The following MMP16 variants were observed in gnomAD, a reference collection of about 807,000 sequenced individuals.
MMP16 encodes matrix metalloproteinase-16.
In MMP16, 12 loss-of-function variants were observed where a neutral mutation model predicts 67.8. The ratio of observed to expected loss-of-function variants is 0.18; its 90% CI spans 0.11 to 0.29. The LOEUF (loss-of-function observed/expected upper bound fraction) is 0.29, where lower values mean the gene tolerates loss of function less well. Ranked by LOEUF, MMP16 falls within the 10% of genes least tolerant of loss-of-function variation. MMP16 has a pLI of 1.00. For missense variants in MMP16, 475 were observed against 765.7 expected (o/e 0.62, Z 4.48); for synonymous variants, 249 against 255.9 (o/e 0.97, Z 0.26).
intron 3 of MMP16, among the ~76,000 whole-genome samples, chr8:88,174,460 A>T (rs1276115216): frequency 6.6e-6 from 1 of 152,216 alleles, no homozygotes; most frequent in Non-Finnish European, 1.5e-5. Context: ...GGAATTAATG[A>T]ATTTATTCAA....
At chr8:88,212,866 G>T (rs1809533184) in intron 1 of MMP16, among the ~76,000 whole-genome samples, 1 of 152,138 alleles carries the variant, frequency 6.6e-6, no homozygotes, top group Non-Finnish European at 1.5e-5. Flanking sequence ...TGTGCAACAT[G>T]TATAGATATT....
In MMP16 at chr8:88,222,899, TGAACAGGCAACCTACA is replaced by T. The variant is rs534894960; in HGVS notation, c.133-25609_133-25594del. On this transcript the variant is annotated intron_variant, in intron 1 of 9. Transcript: ENST00000286614. ...ACAGCAAAAGAAACTACCATCAGGGTGAACAGGCAACCTACAGAATGGGAGAAAATTTTTGCAATCC... is the reference window on the plus strand; with the variant it reads ...ACAGCAAAAGAAACTACCATCAGGGTGAATGGGAGAAAATTTTTGCAATCC... 5.6e-4 allele frequency among the ~76,000 whole-genome samples: 86 copies of T among 152,270 alleles called. No individual in the cohort carries two copies. The South Asian group carries it at 0.017, about 31-fold the overall frequency.
intron 3 of MMP16, among the ~76,000 whole-genome samples, chr8:88,172,097 C>A (rs1231966307): frequency 6.6e-6 from 1 of 152,014 alleles, no homozygotes; most frequent in African/African-American, 2.4e-5. Flanking sequence ...GGATTACAGG[C>A]GTGTGCCACC....
chr8:88,105,556 G>C (rs1809223320), intron 6 of MMP16, among the ~76,000 whole-genome samples: 1 of 151,424 alleles, frequency 6.6e-6, no homozygotes, highest in African/African-American at 2.4e-5. Context: ...GAAAAATTTG[G>C]AACCAAATGT....
At chr8:88,232,959 G>C (rs965352467) in intron 1 of MMP16, among the ~76,000 whole-genome samples, 1 of 152,158 alleles carries the variant, frequency 6.6e-6, no homozygotes, top group African/African-American at 2.4e-5. Flanking sequence ...TGGATGAGAA[G>C]AGTTAGATTC....
chr8:88,054,314 C>T lies in MMP16; in HGVS notation c.1373+1814G>A, dbSNP rs926592532. 3.9e-5 allele frequency among the ~76,000 whole-genome samples: 6 copies of T among 152,070 alleles called. No individual in the cohort carries two copies. The East Asian group carries it at 9.6e-4, about 24-fold the overall frequency. ...TGAGAAAAAGAAAAAAGTGCAACTC[C>T]GTATAGTACCGAGTTCTGCATGGGT... is the stretch of plus-strand genomic sequence containing the variant. On this transcript the variant is annotated intron_variant, in intron 8 of 9. Coordinates refer to ENST00000286614, the MANE Select transcript of MMP16 (RefSeq NM_005941.5).
chr8:88,223,467 G>C (rs1809718616), intron 1 of MMP16, among the ~76,000 whole-genome samples: 1 of 152,034 alleles, frequency 6.6e-6, no homozygotes, highest in Admixed American at 6.6e-5. Context: ...TGATAGACTG[G>C]ATTAAGAAAA....
intron 1 of MMP16, among the ~76,000 whole-genome samples, chr8:88,260,657 C>A (rs1009905162): frequency 6.6e-6 from 1 of 151,840 alleles, no homozygotes; most frequent in Non-Finnish European, 1.5e-5. Context: ...GCCAACTAAC[C>A]AAAATTATTA....
intron 1 of MMP16, among the ~76,000 whole-genome samples, chr8:88,201,418 T>C (rs977480550): frequency 6.6e-6 from 1 of 152,078 alleles, no homozygotes; most frequent in Non-Finnish European, 1.5e-5. Context: ...ACCCTGTGAT[T>C]ATATGATCCA....
At chr8:88,128,933 G>C (rs992199785) in intron 4 of MMP16, among the ~76,000 whole-genome samples, 4 of 151,712 alleles carry the variant, frequency 2.6e-5, no homozygotes, top group Non-Finnish European at 4.4e-5. Flanking sequence ...AGAATGATTG[G>C]GTTTAAATTC....
intron 1 of MMP16, among the ~76,000 whole-genome samples, chr8:88,280,303 A>G (rs969325131): frequency 1.3e-5 from 2 of 152,230 alleles, no homozygotes; most frequent in South Asian, 2.1e-4. Flanking sequence ...ACATGTTTCA[A>G]AAAGTATCCT....
chr8:88,154,869 C>CAAAAAAAAAAAAAAAAAAAAAA (rs1315350398), intron 4 of MMP16, among the ~76,000 whole-genome samples: 1 of 89,522 alleles, frequency 1.1e-5, no homozygotes, highest in Admixed American at 1.2e-4. Context: ...AAGTATAATA[C>CAAAAAAAAAAAAAAAAAAAAAA]AAAAAAAAAA....
chr8:88,184,298 A>C (rs568511697), intron 3 of MMP16, among the ~76,000 whole-genome samples: 3 of 152,260 alleles, frequency 2.0e-5, no homozygotes, highest in Admixed American at 6.5e-5. Context: ...CTTTTAAGAT[A>C]TATTTTAGTT....
At chr8:88,279,468 C>G (rs188510426) in intron 1 of MMP16, among the ~76,000 whole-genome samples, 204 of 152,208 alleles carry the variant, frequency 1.3e-3, no homozygotes, top group Non-Finnish European at 2.7e-3. Flanking sequence ...TAACATCCTT[C>G]TAGATATATT....
intron 9 of MMP16, 32 bp downstream of exon 9, chr8:88,046,637 C>T (rs748800899): frequency 1.4e-6 from 2 of 1,419,146 alleles, no homozygotes; most frequent in South Asian, 1.3e-5. Flanking sequence ...AGATAGCAAA[C>T]TTATGAAATG....
At position 88,037,577 on chromosome 8, in the gene MMP16, T is replaced by C. The variant is rs1484277253; in HGVS notation, c.*3884A>G. 1.3e-5 allele frequency: 2 copies of C among 151,900 alleles called. No individual in the cohort carries two copies. The highest frequency in any genetic ancestry group is 2.9e-5 in the Non-Finnish European group (2 of 67,850). The allele number at this position is 151,900 out of a possible 1,614,324, so 9.4% of individuals were successfully genotyped here. A position where few individuals can be genotyped will look rare whatever the true frequency, so the allele number is the denominator to read the frequency against. ...GCTGTCTAATTTAGCTCTATAACCT[T>C]TGCAATCAGAAAGAGCATCTGTATT... On this transcript the variant is annotated 3_prime_UTR_variant, in exon 10 of 10. Coordinates refer to ENST00000286614, the MANE Select transcript of MMP16 (RefSeq NM_005941.5).
At chr8:88,245,523 A>G (rs750704152) in intron 1 of MMP16, among the ~76,000 whole-genome samples, 19 of 152,202 alleles carry the variant, frequency 1.2e-4, no homozygotes, top group Non-Finnish European at 2.6e-4. Flanking sequence ...CAAGAAAGAA[A>G]AGCTGGAATA....
chr8:88,100,580 G>A (rs1230256832), intron 6 of MMP16, among the ~76,000 whole-genome samples: 2 of 151,974 alleles, frequency 1.3e-5, no homozygotes, highest in Non-Finnish European at 2.9e-5. Context: ...GATTCCTCAA[G>A]GATCTAGAAA....
intron 6 of MMP16, among the ~76,000 whole-genome samples, chr8:88,102,819 A>G (rs1563532290): frequency 6.6e-6 from 1 of 151,864 alleles, no homozygotes; most frequent in Non-Finnish European, 1.5e-5. Flanking sequence ...ACCATAGTCC[A>G]CTTGCCCAAA....
Sources: gnomAD v4.1 joint callset for allele counts (sites outside exome capture counted in the v4.1 genomes callset) on GRCh38, gnomAD v4.1.1 for gene constraint, MANE v1.5 for transcripts, NCBI Gene and HGNC (gene_info 2026-07-23, HGNC 2026-07-21) for gene names.